Variants in PTPRD observed in about 807,000 individuals in gnomAD.
PTPRD encodes protein tyrosine phosphatase receptor type D.
In PTPRD, 34 loss-of-function variants were observed where a neutral mutation model predicts 214.5. That is an observed-to-expected ratio of 0.16 (90% CI 0.12 to 0.21). PTPRD has a LOEUF of 0.21. Among genes scored for constraint, PTPRD ranks in the 10% least tolerant of loss-of-function variants. The pLI, the probability that PTPRD is intolerant of heterozygous loss-of-function variation, is 1.00. For missense variants in PTPRD, 2,545 were observed against 2,398.7 expected, an observed-to-expected ratio of 1.06 and a Z score of -1.27; for synonymous variants, 1,128 against 845.7, an observed-to-expected ratio of 1.33 and a Z score of -5.79.
At chr9:10,243,716 C>A (rs1392800579) in intron 3 of PTPRD, among the ~76,000 whole-genome samples, 3 of 152,050 alleles carry the variant, frequency 2.0e-5, no homozygotes, top group African/African-American at 7.2e-5. Flanking sequence ...ATCCTACTCA[C>A]AATCTTGCTC....
intron 8 of PTPRD, among the ~76,000 whole-genome samples, chr9:9,466,999 C>T (rs1226101805): frequency 6.6e-6 from 1 of 151,932 alleles, no homozygotes; most frequent in Non-Finnish European, 1.5e-5. Flanking sequence ...TTAAACTTTC[C>T]TAAGTCTTTC....
At chr9:9,449,010 G>C (rs768731496) in intron 8 of PTPRD, among the ~76,000 whole-genome samples, 1 of 152,076 alleles carries the variant, frequency 6.6e-6, no homozygotes, top group African/African-American at 2.4e-5. Flanking sequence ...GCTTCGCAAA[G>C]CATGTCCCTT....
intron 7 of PTPRD, among the ~76,000 whole-genome samples, chr9:9,714,901 A>C (rs997583066): frequency 3.9e-5 from 6 of 152,172 alleles, no homozygotes; most frequent in Admixed American, 2.0e-4. Flanking sequence ...TAGGGGGGTA[A>C]ATTGGGCATG....
chr9:9,079,264 C>A (rs993484300), intron 10 of PTPRD, among the ~76,000 whole-genome samples: 24 of 151,986 alleles, frequency 1.6e-4, no homozygotes, highest in African/African-American at 5.8e-4. Context: ...TACATTAGAT[C>A]AAATTTTTTT....
chr9:10,394,059 T>C (rs956201920), intron 2 of PTPRD, among the ~76,000 whole-genome samples: 1 of 135,500 alleles, frequency 7.4e-6, no homozygotes, highest in African/African-American at 2.7e-5. Context: ...ATACATATTA[T>C]ATATATATAT....
chr9:10,184,451 A>G (rs547555456), intron 3 of PTPRD, among the ~76,000 whole-genome samples: 2 of 152,106 alleles, frequency 1.3e-5, no homozygotes, highest in East Asian at 3.9e-4. Flanking sequence ...AATAAATAAT[A>G]AATTTTAGAA....
intron 3 of PTPRD, among the ~76,000 whole-genome samples, chr9:10,113,305 C>G (rs1298464291): frequency 6.6e-6 from 1 of 152,146 alleles, no homozygotes; most frequent in East Asian, 1.9e-4. Flanking sequence ...AATGGGGAAA[C>G]TGAGAGACAG....
intron 7 of PTPRD, among the ~76,000 whole-genome samples, chr9:9,599,301 G>A (rs2093589061): frequency 6.6e-6 from 1 of 152,056 alleles, no homozygotes; most frequent in South Asian, 2.1e-4. Flanking sequence ...CTCAGCCTTA[G>A]AAAGGACACA....
At chr9:9,370,572 C>T (rs1390659218) in intron 9 of PTPRD, among the ~76,000 whole-genome samples, 14 of 151,830 alleles carry the variant, frequency 9.2e-5, no homozygotes, top group South Asian at 2.1e-4. Flanking sequence ...GACAATTTGA[C>T]TTCCTCTTTT....
At chr9:8,492,686 AT>A (rs533477651) in intron 27 of PTPRD, among the ~76,000 whole-genome samples, 175 bp downstream of exon 27, 103 of 142,816 alleles carry the variant, frequency 7.2e-4, no homozygotes, top group African/African-American at 2.7e-3. Flanking sequence ...CACTTGGACT[AT>A]TTTTTTCCCT....
intron 8 of PTPRD, among the ~76,000 whole-genome samples, chr9:9,555,708 C>T (rs1319861641): frequency 2.0e-5 from 3 of 151,998 alleles, no homozygotes; most frequent in Admixed American, 6.6e-5. Context: ...GTCCTGATTT[C>T]TTATGTTTCT....
At chr9:8,498,682 T>G (rs549731483) in intron 25 of PTPRD, among the ~76,000 whole-genome samples, 2 of 152,276 alleles carry the variant, frequency 1.3e-5, no homozygotes, top group Non-Finnish European at 2.9e-5. Flanking sequence ...AGTCACCAAT[T>G]TCTTGGATAA....
intron 7 of PTPRD, among the ~76,000 whole-genome samples, chr9:9,611,538 A>G (rs146218660): frequency 6.6e-6 from 1 of 152,242 alleles, no homozygotes; most frequent in East Asian, 1.9e-4. Flanking sequence ...TGTATAAAAC[A>G]TTTGGATGTA....
intron 9 of PTPRD, among the ~76,000 whole-genome samples, chr9:9,323,692 CTT>C (rs960341067): frequency 2.6e-4 from 40 of 152,024 alleles, no homozygotes; most frequent in Admixed American, 1.0e-3. Context: ...CATTCTCTCT[CTT>C]GTTTATTTTT....
chr9:8,343,048 G>C (rs550911694), intron 39 of PTPRD, among the ~76,000 whole-genome samples: 1 of 152,040 alleles, frequency 6.6e-6, no homozygotes, highest in African/African-American at 2.4e-5. Context: ...GAAGATACCA[G>C]AACTCCAAAA....
intron 11 of PTPRD, among the ~76,000 whole-genome samples, chr9:8,952,683 G>C (rs551149276): frequency 4.0e-5 from 6 of 151,618 alleles, no homozygotes; most frequent in Non-Finnish European, 8.8e-5. Context: ...ATCTTTACAG[G>C]AAGAAAAAAT....
intron 11 of PTPRD, among the ~76,000 whole-genome samples, chr9:8,842,645 T>C (rs1309957074): frequency 6.6e-6 from 1 of 152,130 alleles, no homozygotes; most frequent in African/African-American, 2.4e-5. Flanking sequence ...CACCAAACTG[T>C]CAGGGGTGGA....
chr9:10,449,022 A>G (rs955549633), intron 2 of PTPRD, among the ~76,000 whole-genome samples: 2 of 151,946 alleles, frequency 1.3e-5, no homozygotes, highest in African/African-American at 4.9e-5. Context: ...CCTAGAACTT[A>G]AAGTATAATA....
chr9:8,341,931 A>G lies in PTPRD; in HGVS notation c.4709T>C (p.Leu1570Ser). The change falls in exon 40 of 46, where the codon TTA (leucine) becomes TCA (serine). Residue 1570 changes from leucine to serine, a missense_variant. Coordinates refer to ENST00000381196, the MANE Select transcript of PTPRD (RefSeq NM_002839.4). ...AGTTTTTTCATGCTTTATTCTTTCT[A>G]ACATGGCATCTATGACGATGAAGCA... ...TGCFIVIDAM[L>S]ERIKHEKTVD... 1 of 1,613,052 alleles carries G rather than the reference A, an allele frequency of 6.2e-7. No homozygotes were observed. The highest frequency in any genetic ancestry group is 8.5e-7 in the Non-Finnish European group (1 of 1,179,562).
Sources: gnomAD v4.1 joint callset for allele counts (sites outside exome capture counted in the v4.1 genomes callset) on GRCh38, gnomAD v4.1.1 for gene constraint, MANE v1.5 for transcripts, NCBI Gene and HGNC (gene_info 2026-07-23, HGNC 2026-07-21) for gene names.